Variants in PSMA1 observed in about 807,000 individuals in gnomAD.
PSMA1 encodes proteasome 20S subunit alpha 1.
Under a neutral mutation model 38.4 loss-of-function variants are expected in PSMA1, and 3 were observed. That is an observed-to-expected ratio of 0.08 (90% confidence interval 0.04 to 0.20). The LOEUF (loss-of-function observed/expected upper bound fraction) is 0.20. Among genes scored for constraint, PSMA1 ranks in the 10% least tolerant of loss-of-function variants. The pLI is 1.00. For missense variants in PSMA1, 227 were observed against 325.3 expected (o/e 0.70, Z 2.32); for synonymous variants, 101 against 107.1 (o/e 0.94, Z 0.35).
chr11:14,583,318 T>G (rs1337865568), intron 2 of PSMA1, among the ~76,000 whole-genome samples: 1 of 152,216 alleles, frequency 6.6e-6, no homozygotes, highest in African/African-American at 2.4e-5. Context: ...TATGAATAAA[T>G]TCCATTGACG....
At chr11:14,584,507 G>GTTTT (rs58620375) in intron 2 of PSMA1, among the ~76,000 whole-genome samples, 1 of 124,770 alleles carries the variant, frequency 8.0e-6, no homozygotes, top group Non-Finnish European at 1.7e-5. Context: ...TTTGTTTTTT[G>GTTTT]TTTTTTTTTT....
chr11:14,516,103 G>A (rs532185183), intron 4 of PSMA1, among the ~76,000 whole-genome samples: 24 of 151,828 alleles, frequency 1.6e-4, no homozygotes, highest in African/African-American at 5.1e-4. Context: ...CCAGCTACTC[G>A]GGAGGCTGAG....
chr11:14,632,892 T>A (rs1180181568), intron 1 of PSMA1, among the ~76,000 whole-genome samples: 1 of 152,052 alleles, frequency 6.6e-6, no homozygotes, highest in Admixed American at 6.5e-5. Context: ...TCATTTCATC[T>A]TCCATCGCTG....
intron 2 of PSMA1, among the ~76,000 whole-genome samples, chr11:14,553,328 C>G (rs1170719284): frequency 6.6e-6 from 1 of 152,044 alleles, no homozygotes; most frequent in Non-Finnish European, 1.5e-5. Context: ...TCAAATTTCA[C>G]CAGTTTTTAC....
At chr11:14,536,967 C>G (rs921140795) in intron 2 of PSMA1, among the ~76,000 whole-genome samples, 1 of 152,184 alleles carries the variant, frequency 6.6e-6, no homozygotes, top group African/African-American at 2.4e-5. Context: ...TTTCCTTTAG[C>G]TTGTTGCTGG....
intron 2 of PSMA1, among the ~76,000 whole-genome samples, chr11:14,575,363 A>G (rs1395207639): frequency 6.6e-6 from 1 of 151,686 alleles, no homozygotes; most frequent in Non-Finnish European, 1.5e-5. Context: ...GCATCCATTA[A>G]CTCGTCATTT....
At chr11:14,601,587 C>T (rs1190537956) in intron 2 of PSMA1, among the ~76,000 whole-genome samples, 1 of 152,150 alleles carries the variant, frequency 6.6e-6, no homozygotes, top group African/African-American at 2.4e-5. Context: ...GTAAATAGAA[C>T]AAGGGGTTCT....
intron 2 of PSMA1, among the ~76,000 whole-genome samples, chr11:14,594,997 G>A (rs770031032): frequency 6.6e-6 from 1 of 151,816 alleles, no homozygotes; most frequent in Admixed American, 6.6e-5. Flanking sequence ...CTATGGGTGA[G>A]AACACGCACT....
chr11:14,633,444 C>G (rs1193551771), intron 1 of PSMA1, among the ~76,000 whole-genome samples: 37 of 152,098 alleles, frequency 2.4e-4, no homozygotes, highest in African/African-American at 7.2e-4. Context: ...CCCAGTTAGG[C>G]TGCTCGGGGG....
At chr11:14,607,671 C>T (rs560479482) in intron 2 of PSMA1, among the ~76,000 whole-genome samples, 106 of 152,176 alleles carry the variant, frequency 7.0e-4, no homozygotes, top group African/African-American at 2.5e-3. Flanking sequence ...GCCTCCAAAG[C>T]ATGGTGTAGG....
chr11:14,584,521 T>G (rs957468218), intron 2 of PSMA1, among the ~76,000 whole-genome samples: 4 of 150,592 alleles, frequency 2.7e-5, no homozygotes, highest in Admixed American at 6.6e-5. Flanking sequence ...TTTTTTTTTT[T>G]TTTTTTAAAG....
chr11:14,629,172 T>C (rs1405367843), intron 1 of PSMA1, among the ~76,000 whole-genome samples: 4 of 152,200 alleles, frequency 2.6e-5, no homozygotes, highest in African/African-American at 9.6e-5. Context: ...TTGAGTTTAA[T>C]TAGATCCCAT....
intron 1 of PSMA1, among the ~76,000 whole-genome samples, chr11:14,634,231 C>A (rs544687431): frequency 6.6e-6 from 1 of 152,140 alleles, no homozygotes; most frequent in Non-Finnish European, 1.5e-5. Context: ...CAAAACCAGT[C>A]GTTGGTGCCA....
intron 7 of PSMA1, among the ~76,000 whole-genome samples, chr11:14,511,540 G>C (rs1291239078): frequency 6.6e-6 from 1 of 152,052 alleles, no homozygotes. Flanking sequence ...TTACACTGAA[G>C]GAAGGGAGAA....
intron 2 of PSMA1, among the ~76,000 whole-genome samples, chr11:14,525,912 T>C (rs1851580927): frequency 6.6e-6 from 1 of 152,192 alleles, no homozygotes. Flanking sequence ...CCTTATTCAA[T>C]ATATTGATGA....
At chr11:14,614,538 T>C (rs1441951853) in intron 1 of PSMA1, among the ~76,000 whole-genome samples, 3 of 152,180 alleles carry the variant, frequency 2.0e-5, no homozygotes, top group Non-Finnish European at 4.4e-5. Context: ...ATAAACTCAG[T>C]ACGCAGAAAG....
intron 2 of PSMA1, among the ~76,000 whole-genome samples, chr11:14,587,914 GT>G (rs2134186643): frequency 6.6e-6 from 1 of 152,220 alleles, no homozygotes; most frequent in South Asian, 2.1e-4. Flanking sequence ...ACCTAAAGGT[GT>G]TTATCACATT....
intron 1 of PSMA1, among the ~76,000 whole-genome samples, chr11:14,626,815 T>A (rs77268979): frequency 6.6e-6 from 1 of 152,216 alleles, no homozygotes; most frequent in South Asian, 2.1e-4. Flanking sequence ...ATATGACAGA[T>A]GTAAATAGCT....
At chr11:14,544,565 G>A (rs1851806041) in intron 2 of PSMA1, among the ~76,000 whole-genome samples, 1 of 152,150 alleles carries the variant, frequency 6.6e-6, no homozygotes. Flanking sequence ...TGGCCAATAA[G>A]CCCATAGAAG....
Sources: gnomAD v4.1 joint callset for allele counts (sites outside exome capture counted in the v4.1 genomes callset) on GRCh38, gnomAD v4.1.1 for gene constraint, MANE v1.5 for transcripts, NCBI Gene and HGNC (gene_info 2026-07-23, HGNC 2026-07-21) for gene names.